The following CSMD3 variants were observed in gnomAD, a reference collection of about 807,000 sequenced individuals.
The protein encoded by CSMD3 is CUB and Sushi multiple domains 3.
CSMD3 carries 177 observed loss-of-function variants against 435.2 expected under a neutral mutation model. The observed-to-expected ratio is 0.41, with a 90% CI of 0.36 to 0.46. The LOEUF is 0.46. Ranked by LOEUF, CSMD3 falls within the 20% of genes least tolerant of loss-of-function variation. The pLI is 0.34. For synonymous variants in CSMD3, 1,656 were observed against 1,520.5 expected (o/e 1.09, Z -2.07); for missense variants, 4,265 against 4,504.6 (o/e 0.95, Z 1.52).
chr8:113,007,940 C>A (rs796968721), intron 6 of CSMD3, among the ~76,000 whole-genome samples: 5 of 151,644 alleles, frequency 3.3e-5, no homozygotes, highest in African/African-American at 9.7e-5. Context: ...CACTATTAAC[C>A]CCCTTATGTA....
rs2130635528 is a variant in CSMD3, at chr8:112,287,177, C to T, written c.9218G>A (p.Arg3073Lys). The part of the protein sequence containing the change: ...GHGSRQESNF[R>K]TKSTVRYACD... ...AGCATAACGTACAGTACTTTTAGTT[C>T]TGAAATTGCTTTCCTGTCTAGAGCC... The change falls in exon 58 of 71, where the codon AGA (arginine) becomes AAA (lysine). Residue 3073 changes from arginine to lysine, a missense_variant. Arg to Lys is a conservative substitution (Grantham distance 26). Around this residue, in one of 3 missense-constraint regions of CSMD3, gnomAD observed 3,255 missense variants for 3,380.2 expected, o/e 0.96. Coordinates refer to ENST00000297405, the MANE Select transcript of CSMD3 (RefSeq NM_198123.2). 5 of 1,613,746 alleles carry T rather than the reference C, an allele frequency of 3.1e-6. No individual in the cohort carries two copies. Among genetic ancestry groups the T allele is most frequent in the Non-Finnish European group, 4.2e-6 (5 of 1,179,812 alleles).
intron 3 of CSMD3, among the ~76,000 whole-genome samples, chr8:113,186,627 C>T (rs556862863): frequency 1.3e-5 from 2 of 152,104 alleles, no homozygotes; most frequent in Non-Finnish European, 2.9e-5. Flanking sequence ...CCAGGTAGAA[C>T]GACCCTGTAT....
chr8:112,378,369 C>T (rs979937059), intron 38 of CSMD3, among the ~76,000 whole-genome samples: 3 of 151,962 alleles, frequency 2.0e-5, no homozygotes, highest in Non-Finnish European at 4.4e-5. Context: ...ACCTCCACTC[C>T]CATGTTTATT....
At chr8:112,344,117 T>A (rs1254446761) in intron 41 of CSMD3, among the ~76,000 whole-genome samples, 1 of 151,918 alleles carries the variant, frequency 6.6e-6, no homozygotes, top group Non-Finnish European at 1.5e-5. Context: ...CTCCTGACCT[T>A]GTGATCTGCC....
At position 112,550,734 on chromosome 8, in the gene CSMD3, C is replaced by T. The variant is rs761016795; in HGVS notation, c.4501G>A (p.Val1501Ile). The change falls in exon 27 of 71, where the codon GTA (valine) becomes ATA (isoleucine). Residue 1501 changes from valine to isoleucine, a missense_variant. Physicochemically the swap from Val to Ile is conservative, Grantham distance 29. Transcript: ENST00000297405. ...AAATCCGTGTCAAACTGGATGGTTA[C>T]TATATTGAGGGTGCTATGAATTCCT... ...PEGIHSTLNI[V>I]TIQFDTDFYI... is the part of the protein sequence containing the mutation. The T allele has an allele frequency of 3.7e-6, 6 of 1,606,578 alleles. No individual in the cohort carries two copies. In the South Asian group the frequency reaches 6.6e-5, roughly 18 times the overall value.
chr8:113,200,245 C>T (rs978778810), intron 3 of CSMD3, among the ~76,000 whole-genome samples: 33 of 151,710 alleles, frequency 2.2e-4, no homozygotes, highest in Admixed American at 1.8e-3. Flanking sequence ...TATCTACCCC[C>T]AAACTATACT....
intron 1 of CSMD3, among the ~76,000 whole-genome samples, chr8:113,419,195 T>G (rs1400525708): frequency 6.6e-6 from 1 of 150,974 alleles, no homozygotes; most frequent in Non-Finnish European, 1.5e-5. Flanking sequence ...CTTGGCTCAC[T>G]GCAAACTCCG....
chr8:113,405,245 A>G (rs2094527397), intron 1 of CSMD3, among the ~76,000 whole-genome samples: 1 of 151,626 alleles, frequency 6.6e-6, no homozygotes, highest in Non-Finnish European at 1.5e-5. Flanking sequence ...GCAATCAAAG[A>G]TACAATTTTG....
intron 4 of CSMD3, among the ~76,000 whole-genome samples, chr8:113,149,487 G>C (rs2091756537): frequency 6.6e-6 from 1 of 151,698 alleles, no homozygotes; most frequent in African/African-American, 2.4e-5. Context: ...CCTTCTTTTT[G>C]AGATACAATG....
intron 4 of CSMD3, among the ~76,000 whole-genome samples, chr8:113,129,809 G>C (rs895651149): frequency 6.6e-6 from 1 of 152,014 alleles, no homozygotes; most frequent in African/African-American, 2.4e-5. Flanking sequence ...AGGTATCTCA[G>C]GTGATTCTGA....
intron 55 of CSMD3, among the ~76,000 whole-genome samples, chr8:112,291,946 C>G (rs773369293): frequency 1.8e-4 from 27 of 151,680 alleles, no homozygotes; most frequent in Admixed American, 5.9e-4. Flanking sequence ...GCGCTAAGTA[C>G]GAATTTTAAA....
intron 22 of CSMD3, among the ~76,000 whole-genome samples, chr8:112,617,828 T>A (rs1444756694): frequency 6.6e-6 from 1 of 152,146 alleles, no homozygotes; most frequent in Non-Finnish European, 1.5e-5. Context: ...AAGATACTTC[T>A]CAATGTATAT....
At chr8:112,627,004 C>T (rs1194208264) in intron 22 of CSMD3, among the ~76,000 whole-genome samples, 1 of 152,080 alleles carries the variant, frequency 6.6e-6, no homozygotes, top group Non-Finnish European at 1.5e-5. Context: ...ACCTAGCATA[C>T]AGTAAACACA....
intron 4 of CSMD3, among the ~76,000 whole-genome samples, chr8:113,129,288 C>A (rs1233971177): frequency 6.6e-6 from 1 of 152,026 alleles, no homozygotes; most frequent in Non-Finnish European, 1.5e-5. Context: ...AAGTACTTCT[C>A]TTAGAGGCAC....
chr8:113,231,471 C>A (rs1200700931), intron 3 of CSMD3, among the ~76,000 whole-genome samples: 1 of 151,290 alleles, frequency 6.6e-6, no homozygotes, highest in Non-Finnish European at 1.5e-5. Flanking sequence ...CTCAAGTACA[C>A]TTTTGTGGAA....
chr8:112,756,227 T>C (rs1029457903), intron 13 of CSMD3, among the ~76,000 whole-genome samples: 4 of 152,192 alleles, frequency 2.6e-5, no homozygotes, highest in Admixed American at 6.5e-5. Flanking sequence ...GTTCCAAGTA[T>C]ATATTTAATG....
At chr8:112,998,083 A>G (rs2085722548) in intron 6 of CSMD3, among the ~76,000 whole-genome samples, 1 of 151,756 alleles carries the variant, frequency 6.6e-6, no homozygotes, top group East Asian at 1.9e-4. Flanking sequence ...AATGATTTAT[A>G]CATTACATAA....
chr8:113,209,592 C>T (rs2092808888), intron 3 of CSMD3, among the ~76,000 whole-genome samples: 1 of 152,110 alleles, frequency 6.6e-6, no homozygotes, highest in African/African-American at 2.4e-5. Context: ...CTAAATTAAT[C>T]TGAGCTATGA....
intron 24 of CSMD3, among the ~76,000 whole-genome samples, chr8:112,571,814 A>G (rs747530439): frequency 6.6e-6 from 1 of 151,770 alleles, no homozygotes; most frequent in Non-Finnish European, 1.5e-5. Flanking sequence ...GGTTGCAGTA[A>G]GCAAAGATCG....
Sources: gnomAD v4.1 joint callset for allele counts (sites outside exome capture counted in the v4.1 genomes callset) on GRCh38, gnomAD v4.1.1 for gene constraint, gnomAD v4.1.1 regional missense constraint, MANE v1.5 for transcripts, NCBI Gene and HGNC (gene_info 2026-07-23, HGNC 2026-07-21) for gene names.